Variants in HMGA2 observed in about 807,000 individuals in gnomAD.
The protein encoded by HMGA2 is high mobility group protein HMGI-C.
HMGA2 carries 8 observed loss-of-function variants against 19.1 expected under a neutral mutation model. The ratio of observed to expected loss-of-function variants is 0.42; its 90% CI spans 0.25 to 0.76. The LOEUF is 0.76. HMGA2 is among the 30% of genes least tolerant of loss of function. The pLI is 0.28. For missense variants in HMGA2, 109 were observed against 136.3 expected (o/e 0.80, Z 1.00); for synonymous variants, 60 against 48.8 (o/e 1.23, Z -0.96).
chr12:65,843,423 CA>C, intron 3 of HMGA2: 1 of 201,308 alleles, frequency 5.0e-6, no homozygotes, highest in East Asian at 7.7e-5. Flanking sequence ...GATAAGACAG[CA>C]AGGGTTTTTT....
intron 3 of HMGA2, among the ~76,000 whole-genome samples, chr12:65,903,145 G>C (rs1874443758): frequency 2.0e-5 from 3 of 152,026 alleles, no homozygotes; most frequent in Admixed American, 2.0e-4. Context: ...TTTCCCTTCA[G>C]CTGCTTTATA....
rs75968705 is a variant in HMGA2, at chr12:65,935,484, C to G, written c.250-15899C>G. On this transcript the variant is annotated intron_variant, in intron 3 of 4. Coordinates refer to ENST00000403681, the MANE Select transcript of HMGA2 (RefSeq NM_003483.6). ...TGCTCGTTATAGCCTAACTACACGTCTGTTTGAATTTGGGTTTTTCTTTTT... is the reference window on the plus strand; with the variant it reads ...TGCTCGTTATAGCCTAACTACACGTGTGTTTGAATTTGGGTTTTTCTTTTT... Among the ~76,000 whole-genome samples, 869 of 152,012 alleles carry G rather than the reference C, an allele frequency of 5.7e-3. 8 individuals carry two copies. Among genetic ancestry groups the G allele is most frequent in the African/African-American group, 0.02 (820 of 41,482 alleles).
chr12:65,858,822 G>A (rs1871888454), intron 3 of HMGA2: 2 of 152,238 alleles, frequency 1.3e-5, no homozygotes, highest in Middle Eastern at 3.4e-3. Flanking sequence ...AGCCCTTCTT[G>A]TACAGTATTT....
chr12:65,852,104 G>A (rs1358714452), intron 3 of HMGA2, among the ~76,000 whole-genome samples: 1 of 152,000 alleles, frequency 6.6e-6, no homozygotes, highest in Non-Finnish European at 1.5e-5. Flanking sequence ...GTACAAATTT[G>A]TACAAAGTAC....
intron 3 of HMGA2, among the ~76,000 whole-genome samples, chr12:65,918,837 G>GT (rs1166406683): frequency 2.0e-5 from 3 of 152,280 alleles, no homozygotes; most frequent in Admixed American, 6.5e-5. Flanking sequence ...TATTAAATAC[G>GT]TAAGAATTGT....
In HMGA2 at chr12:65,825,170, C is replaced by A; in HGVS notation, c.-101C>A. 9.8e-7 allele frequency: 1 copy of A among 1,016,268 alleles called. No homozygotes were observed. The highest frequency in any genetic ancestry group is 1.4e-6 in the Non-Finnish European group (1 of 724,080). 63.0% of individuals were successfully genotyped at this position (1,016,268 alleles called of 1,614,324 possible). A position where few individuals can be genotyped will look rare whatever the true frequency, so the allele number is the denominator to read the frequency against. On this transcript the variant is annotated 5_prime_UTR_variant, in exon 1 of 5. Transcript: ENST00000403681. This position sits in a 1 kb window ranked among gnomAD's most constrained non-coding sequence, Gnocchi z 4.4. ...CGCCAGCTCGCGCTCGCCCCGCCGG[C>A]GTCCCCAGCCCTATCACCTCATCTC...
intron 3 of HMGA2, among the ~76,000 whole-genome samples, chr12:65,874,753 C>T (rs1872892816): frequency 6.6e-6 from 1 of 152,162 alleles, no homozygotes; most frequent in Non-Finnish European, 1.5e-5. Context: ...TGTATGTATA[C>T]ATACAGGTAA....
intron 4 of HMGA2, among the ~76,000 whole-genome samples, chr12:65,960,986 T>C (rs1181239239): frequency 1.3e-5 from 2 of 152,236 alleles, no homozygotes; most frequent in Admixed American, 1.3e-4. Context: ...GTTAAGTTCA[T>C]GGCCTGAAAA....
chr12:65,876,280 G>A (rs1293658774), intron 3 of HMGA2, among the ~76,000 whole-genome samples: 1 of 152,054 alleles, frequency 6.6e-6, no homozygotes, highest in Admixed American at 6.5e-5. Flanking sequence ...AATGGATACT[G>A]AGTTGCTGAA....
intron 3 of HMGA2, among the ~76,000 whole-genome samples, chr12:65,841,086 C>T (rs1565703931): frequency 6.6e-6 from 1 of 152,078 alleles, no homozygotes; most frequent in African/African-American, 2.4e-5. Flanking sequence ...TCTTTCTCAC[C>T]ACACATCCTT....
In HMGA2 at chr12:65,963,227, G is replaced by A. The variant is rs1229384788; in HGVS notation, c.283-18G>A. ...TATAACGATTGAGCGTCATGGCTGT[G>A]CCCTTTGTGTGTTCCAGGAGGAAAC... is the stretch of plus-strand genomic sequence containing the variant. On this transcript the variant is annotated intron_variant, in intron 4 of 4. Coordinates refer to ENST00000403681, the MANE Select transcript of HMGA2 (RefSeq NM_003483.6). 2 of 1,613,082 alleles carry A rather than the reference G, an allele frequency of 1.2e-6. No individual in the cohort carries two copies. Among genetic ancestry groups the A allele is most frequent in the African/African-American group, 2.7e-5 (2 of 74,834 alleles).
intron 2 of HMGA2, among the ~76,000 whole-genome samples, chr12:65,836,786 G>T (rs1870747641): frequency 6.6e-6 from 1 of 152,212 alleles, no homozygotes; most frequent in South Asian, 2.1e-4. Context: ...AATAAACAAT[G>T]ATTCAGAGTG....
At position 65,852,629 on chromosome 12, in the gene HMGA2, T is replaced by C. The variant is rs1239932948; in HGVS notation, c.249+14060T>C. Reference sequence around the variant, plus strand: ...TCAGCTTTTCCCTTGTCTTATCTAATGGTTTATGAGGCATTTACTCTTTTT... The same window carrying C: ...TCAGCTTTTCCCTTGTCTTATCTAACGGTTTATGAGGCATTTACTCTTTTT... On this transcript the variant is annotated intron_variant, in intron 3 of 4. Coordinates refer to ENST00000403681, the MANE Select transcript of HMGA2 (RefSeq NM_003483.6). Among the ~76,000 whole-genome samples, 3 of 152,314 alleles carry C rather than the reference T, an allele frequency of 2.0e-5. No individual in the cohort carries two copies. In the East Asian group the frequency reaches 5.8e-4, roughly 29 times the overall value.
chr12:65,881,608 TG>T, intron 3 of HMGA2: 1 of 628,932 alleles, frequency 1.6e-6, no homozygotes, highest in Non-Finnish European at 2.8e-6. Context: ...AGTATTGTCC[TG>T]GACCCAGAGG....
At chr12:65,952,135 G>T (rs1047232546) in intron 4 of HMGA2, 130 of 465,418 alleles carry the variant, frequency 2.8e-4, no homozygotes, top group African/African-American at 2.3e-3. Flanking sequence ...AATAATGTGA[G>T]CCAGTATTAA....
At position 65,861,591 on chromosome 12, in the gene HMGA2, G is replaced by A. The variant is rs185554148; in HGVS notation, c.249+23022G>A. ...AATATTGCATTGGTAGTTTCATCTCGTTTTAGGTAATATTGATTTATCCTA... is the reference window on the plus strand; with the variant it reads ...AATATTGCATTGGTAGTTTCATCTCATTTTAGGTAATATTGATTTATCCTA... On this transcript the variant is annotated intron_variant, in intron 3 of 4. Transcript: ENST00000403681. Among the ~76,000 whole-genome samples the A allele has an allele frequency of 8.0e-5, 11 of 137,996 alleles. No individual in the cohort carries two copies. In the East Asian group the frequency reaches 2.1e-3, roughly 26 times the overall value. 90.5% of individuals were successfully genotyped at this position (137,996 alleles called of 152,430 possible).
intron 3 of HMGA2, among the ~76,000 whole-genome samples, chr12:65,849,690 A>T (rs1344420424): frequency 6.8e-6 from 1 of 148,018 alleles, no homozygotes; most frequent in Non-Finnish European, 1.5e-5. Context: ...CCTAAATGAG[A>T]GTGGTCATCT....
intron 3 of HMGA2, among the ~76,000 whole-genome samples, chr12:65,855,677 T>G (rs1251739677): frequency 6.6e-6 from 1 of 151,164 alleles, no homozygotes; most frequent in African/African-American, 2.4e-5. Context: ...AATCTGAGTG[T>G]TTGTTTAGGT....
chr12:65,925,466 A>T (rs1167283328), intron 3 of HMGA2, among the ~76,000 whole-genome samples: 1 of 152,152 alleles, frequency 6.6e-6, no homozygotes, highest in Non-Finnish European at 1.5e-5. Flanking sequence ...AGCAATTTGG[A>T]CACCAGAGTT....
Sources: allele counts gnomAD v4.1 joint callset (sites outside exome capture counted in the v4.1 genomes callset), GRCh38; gene constraint gnomAD v4.1.1; non-coding constraint Gnocchi (gnomAD v3.1); transcripts MANE v1.5; gene names NCBI Gene and HGNC (gene_info 2026-07-23, HGNC 2026-07-21).